Variants in DYNC1I1 observed in about 807,000 individuals in gnomAD.
DYNC1I1 encodes dynein cytoplasmic 1 intermediate chain 1, also known as cytoplasmic dynein 1 intermediate chain 1.
A neutral mutation model predicts 86.6 loss-of-function variants in DYNC1I1; 43 were observed. That is an observed-to-expected ratio of 0.50 (90% CI 0.39 to 0.64). The LOEUF (loss-of-function observed/expected upper bound fraction) is 0.64. Ranked by LOEUF, DYNC1I1 falls within the 30% of genes least tolerant of loss-of-function variation. The pLI, the probability that DYNC1I1 is intolerant of heterozygous loss-of-function variation, is 0.00. For missense variants in DYNC1I1, 604 were observed against 788.8 expected (o/e 0.77, Z 2.81); for synonymous variants, 262 against 283.7 (o/e 0.92, Z 0.77).
chr7:95,954,004 C>G (rs1792630380), intron 6 of DYNC1I1, among the ~76,000 whole-genome samples: 2 of 152,020 alleles, frequency 1.3e-5, no homozygotes, highest in Non-Finnish European at 2.9e-5. Flanking sequence ...AAAAGGGGTT[C>G]CCATGCTCTC....
At chr7:96,042,648 A>C (rs2116055640) in intron 14 of DYNC1I1, among the ~76,000 whole-genome samples, 1 of 152,364 alleles carries the variant, frequency 6.6e-6, no homozygotes, top group African/African-American at 2.4e-5. Context: ...TAAGAGTAAT[A>C]GATTCATGAG....
chr7:96,099,273 T>C (rs1791091619), downstream of DYNC1I1, among the ~76,000 whole-genome samples: 1 of 152,212 alleles, frequency 6.6e-6, no homozygotes, highest in African/African-American at 2.4e-5. Flanking sequence ...TGTGTTCTTA[T>C]ATATCCCACT....
chr7:95,995,249 A>AAAATAAATAAATAAATAAAT (rs71127433), intron 9 of DYNC1I1, among the ~76,000 whole-genome samples: 60 of 143,126 alleles, frequency 4.2e-4, no homozygotes, highest in African/African-American at 1.0e-3. Context: ...TCCATCTCAA[A>AAAATAAATAAATAAATAAAT]AAATAAATAA....
chr7:95,826,234 T>C (rs117766538), intron 4 of DYNC1I1, among the ~76,000 whole-genome samples: 294 of 152,368 alleles, frequency 1.9e-3, no homozygotes, highest in Non-Finnish European at 3.8e-3. Flanking sequence ...ACTTCAGTTT[T>C]AATCTTTCAG....
At chr7:95,818,476 T>A (rs560444544) in intron 4 of DYNC1I1, 153,682 of 449,366 alleles carry the variant, frequency 0.34, 12,079 homozygotes, top group African/African-American at 0.54. Context: ...TGATTTAATT[T>A]TTTTTTTTTT....
At chr7:95,960,105 G>A (rs978378431) in intron 6 of DYNC1I1, among the ~76,000 whole-genome samples, 10 of 152,146 alleles carry the variant, frequency 6.6e-5, no homozygotes, top group Middle Eastern at 3.4e-3. Context: ...ATGCTGGAAT[G>A]TTTTTGTTTT....
chr7:96,018,311 T>C (rs1439806778), intron 10 of DYNC1I1, among the ~76,000 whole-genome samples: 1 of 152,218 alleles, frequency 6.6e-6, no homozygotes, highest in Non-Finnish European at 1.5e-5. Context: ...TATATTGGTG[T>C]CAAAGTCAGC....
chr7:95,785,521 C>A (rs1794107053), intron 1 of DYNC1I1, among the ~76,000 whole-genome samples: 1 of 151,966 alleles, frequency 6.6e-6, no homozygotes, highest in South Asian at 2.1e-4. Context: ...ATCCTTTATT[C>A]ATTCATTCAC....
chr7:95,858,638 A>G (rs76928797), intron 5 of DYNC1I1, among the ~76,000 whole-genome samples: 17,243 of 152,004 alleles, frequency 0.11, 1,145 homozygotes, highest in African/African-American at 0.18. Flanking sequence ...ATGTTACAAC[A>G]ACTGTGATGT....
intron 1 of DYNC1I1, chr7:95,804,388 T>G (rs1794655865): frequency 7.8e-7 from 1 of 1,274,618 alleles, no homozygotes; most frequent in Non-Finnish European, 1.0e-6. Context: ...CTTTTTTGAT[T>G]CTCTTATTTA....
In DYNC1I1 at chr7:95,978,816, G is replaced by A. The variant is rs1473720590; in HGVS notation, c.580+1215G>A. Among the ~76,000 whole-genome samples, 4 of 136,310 alleles carry A rather than the reference G, an allele frequency of 2.9e-5. No homozygotes were observed. In the East Asian group the frequency reaches 6.1e-4, roughly 21 times the overall value. 89.4% of individuals were successfully genotyped at this position (136,310 alleles called of 152,430 possible). On this transcript the variant is annotated intron_variant, in intron 7 of 16. Coordinates refer to ENST00000447467, the MANE Select transcript of DYNC1I1 (RefSeq NM_001135556.2). ...TAAATGGGACAATTTTTTTTTTTTT[G>A]AGACAGAGTCTCACTCTGTCCCAGG...
intron 10 of DYNC1I1, among the ~76,000 whole-genome samples, chr7:96,018,444 A>G (rs996926366): frequency 1.3e-5 from 2 of 152,206 alleles, no homozygotes; most frequent in Non-Finnish European, 2.9e-5. Context: ...TTACCCACCT[A>G]GTAAGACTGA....
intron 5 of DYNC1I1, among the ~76,000 whole-genome samples, chr7:95,842,925 A>G (rs1322346750): frequency 6.6e-6 from 1 of 151,866 alleles, no homozygotes; most frequent in Admixed American, 6.6e-5. Flanking sequence ...TTGAATTTCT[A>G]TAATTTTCTT....
At chr7:95,825,132 T>C (rs926102006) in intron 4 of DYNC1I1, among the ~76,000 whole-genome samples, 1 of 152,226 alleles carries the variant, frequency 6.6e-6, no homozygotes, top group Non-Finnish European at 1.5e-5. Context: ...GGCAAGGCTG[T>C]TGTGGTGTTA....
intron 6 of DYNC1I1, among the ~76,000 whole-genome samples, chr7:95,937,924 G>T (rs1377001280): frequency 6.6e-6 from 1 of 151,944 alleles, no homozygotes; most frequent in African/African-American, 2.4e-5. Flanking sequence ...ACTTATATAT[G>T]TATACCTCCA....
intron 14 of DYNC1I1, among the ~76,000 whole-genome samples, chr7:96,048,840 A>T (rs1294642926): frequency 6.6e-6 from 1 of 152,164 alleles, no homozygotes; most frequent in Non-Finnish European, 1.5e-5. Context: ...ACCCCAAATT[A>T]ATTCTAACCC....
chr7:95,893,306 C>A (rs1357217637), intron 6 of DYNC1I1, among the ~76,000 whole-genome samples: 1 of 152,126 alleles, frequency 6.6e-6, no homozygotes, highest in African/African-American at 2.4e-5. Context: ...GGATTTGTGA[C>A]TCAAGAAAGT....
At chr7:95,811,633 A>G (rs903933165) in intron 3 of DYNC1I1, among the ~76,000 whole-genome samples, 1 of 152,154 alleles carries the variant, frequency 6.6e-6, no homozygotes, top group African/African-American at 2.4e-5. Context: ...TCAATTTGTA[A>G]TAGGTAAAAA....
rs749035493 is a variant in DYNC1I1 at position 96,076,246 on chromosome 7, A to C, written c.1650+49A>C. 6 of 1,603,230 alleles carry C rather than the reference A, an allele frequency of 3.7e-6. No individual in the cohort carries two copies. In the Admixed American group the frequency reaches 8.6e-5, roughly 23 times the overall value. ...GGCCGGAGGGCTGGGAGGGGGGCGC[A>C]GTCGGCCACTCGCAGTCTCTCCCTC... On this transcript the variant is annotated intron_variant, in intron 15 of 16. Coordinates refer to ENST00000447467, the MANE Select transcript of DYNC1I1 (RefSeq NM_001135556.2).
Sources: allele counts gnomAD v4.1 joint callset (sites outside exome capture counted in the v4.1 genomes callset), GRCh38; gene constraint gnomAD v4.1.1; transcripts MANE v1.5; gene names NCBI Gene and HGNC (gene_info 2026-07-23, HGNC 2026-07-21).